Variants in TTN observed in about 807,000 individuals in gnomAD.
TTN encodes titin, also known as connectin.
In TTN, 1,525 loss-of-function variants were observed where a neutral mutation model predicts 3,223.0. The observed-to-expected ratio is 0.47, with a 90% CI of 0.45 to 0.49. TTN has a LOEUF of 0.49. Ranked by LOEUF, TTN falls within the 20% of genes least tolerant of loss-of-function variation. The pLI, the probability that TTN is intolerant of heterozygous loss-of-function variation, is 0.00. For synonymous variants in TTN, 14,094 were observed against 15,161.0 expected (o/e 0.93, Z 5.17); for missense variants, 40,786 against 43,424.0 (o/e 0.94, Z 5.40).
chr2:178,799,002 G>A (rs905931835), intron 6 of TTN: 6 of 170,858 alleles, frequency 3.5e-5, no homozygotes, highest in African/African-American at 1.2e-4. Flanking sequence ...CAATTTACCT[G>A]TGGACAGTGA....
At chr2:178,714,886 A>C (rs963432429) in intron 90 of TTN, 100 bp downstream of exon 90, 16 of 1,440,334 alleles carry the variant, frequency 1.1e-5, no homozygotes, top group Non-Finnish European at 1.4e-5. Context: ...GGAAAGTGGA[A>C]TAGGCTGCTA....
Position 178,598,505 on chromosome 2 carries a change from C to T in TTN, c.57111+1G>A, listed in dbSNP as rs776889100. On this transcript the variant is annotated splice_donor_variant, in intron 292 of 362. Transcript: ENST00000589042. LOFTEE classifies it high-confidence loss of function. ...ATTTCCTTAGTGCCAAGTTTTCCTA[C>T]CTTTTCCCATTCTTCTTTTCCTTCT... 1.9e-6 allele frequency: 3 copies of T among 1,605,232 alleles called. No homozygotes were observed. Among genetic ancestry groups the T allele is most frequent in the Non-Finnish European group, 2.5e-6 (3 of 1,177,764 alleles).
chr2:178,607,520 A>G lies in TTN; in HGVS notation c.53168T>C (p.Val17723Ala), dbSNP rs1420844949. 9 of 1,613,032 alleles carry G rather than the reference A, an allele frequency of 5.6e-6. No homozygotes were observed. The highest frequency in any genetic ancestry group is 1.7e-5 in the Admixed American group (1 of 59,968). The change falls in exon 277 of 363, where the codon GTT becomes GCT. Residue 17723 changes from valine to alanine, a missense_variant. Coordinates refer to ENST00000589042, the MANE Select transcript of TTN (RefSeq NM_001267550.2). ...LDKDRVVIDNVGTKSELIIKD... is the reference protein window; with the variant it reads ...LDKDRVVIDNAGTKSELIIKD... The stretch of plus-strand genomic sequence containing the variant: ...GATAATTAGTTCAGATTTGGTTCCA[A>G]CGTTGTCTATTACAACACGGTCTTT...
Position 178,608,006 on chromosome 2 carries a change from G to C in TTN, c.52781C>G (p.Ala17594Gly), listed in dbSNP as rs1267329743. ...AACAATTTCCCCACCACCATTGAAA[G>C]CTGGGGGTTCCCATTCTAGTTCAAT... ...TTIELEWEPP[A>G]FNGGGEIVGY... The change falls in exon 276 of 363, where the codon GCT (alanine) becomes GGT (glycine). Residue 17594 changes from alanine (A) to glycine (G), a missense_variant. Coordinates refer to ENST00000589042, the MANE Select transcript of TTN (RefSeq NM_001267550.2). 6.2e-7 allele frequency: 1 copy of C among 1,612,846 alleles called. No homozygotes were observed. Among genetic ancestry groups the C allele is most frequent in the Non-Finnish European group, 8.5e-7 (1 of 1,179,318 alleles).
At position 178,541,264 on chromosome 2, in the gene TTN, G is replaced by A. The variant is rs1438121142; in HGVS notation, c.97795+18C>T. 2 of 1,461,260 alleles carry A rather than the reference G, an allele frequency of 1.4e-6. No individual in the cohort carries two copies. Among genetic ancestry groups the A allele is most frequent in the South Asian group, 1.5e-5 (1 of 66,428 alleles). The allele number at this position is 1,461,260 out of a possible 1,614,324, so 90.5% of individuals were successfully genotyped here. The stretch of plus-strand genomic sequence containing the variant: ...AAATTGTAACTCAATCAATTTGACT[G>A]ATACAAAATGTCCTTACCAATTGGA... On this transcript the variant is annotated intron_variant, in intron 350 of 362. Coordinates refer to ENST00000589042, the MANE Select transcript of TTN (RefSeq NM_001267550.2).
At position 178,718,895 on chromosome 2, in the gene TTN, C is replaced by T. The variant is rs748064860; in HGVS notation, c.24305G>A (p.Arg8102Lys). ...GMSLTFTSVI[R>K]GTPPFKVKWF... ...CTTGACCTTGAAAGGAGGGGTGCCT[C>T]TGATGACACTGGTGAATGTGAGGCT... The change falls in exon 84 of 363, where the codon AGA becomes AAA. Residue 8102 changes from arginine to lysine, a missense_variant. Coordinates refer to ENST00000589042, the MANE Select transcript of TTN (RefSeq NM_001267550.2). 6.2e-7 allele frequency: 1 copy of T among 1,613,316 alleles called. No individual in the cohort carries two copies. Among genetic ancestry groups the T allele is most frequent in the African/African-American group, 1.3e-5 (1 of 74,872 alleles).
At chr2:178,601,619 T>C in intron 286 of TTN, 39 bp downstream of exon 286, 1 of 1,582,464 alleles carries the variant, frequency 6.3e-7, no homozygotes, top group African/African-American at 1.4e-5. Context: ...TAAAAATAAT[T>C]TGTTTTTATT....
In TTN at chr2:178,714,449, T is replaced by A; in HGVS notation, c.26325A>T (p.Glu8775Asp). The A allele has an allele frequency of 6.2e-7, 1 of 1,613,692 alleles. No individual in the cohort carries two copies. The highest frequency in any genetic ancestry group is 1.1e-5 in the South Asian group (1 of 91,072). The change falls in exon 91 of 363, where the codon GAA becomes GAT. Residue 8775 changes from glutamate to aspartate, a missense_variant. Glu to Asp is a conservative substitution (Grantham distance 45). Coordinates refer to ENST00000589042, the MANE Select transcript of TTN (RefSeq NM_001267550.2). ...ATATGTTGTCACTTTCTCTAACGATTTCTCCCTTATCTTTGAACCACACCA... is the reference window on the plus strand; with the variant it reads ...ATATGTTGTCACTTTCTCTAACGATATCTCCCTTATCTTTGAACCACACCA... Reference protein sequence around the residue: ...ISVVWFKDKGEIVRESDNIWI... With the variant: ...ISVVWFKDKGDIVRESDNIWI...
chr2:178,747,814 T>C lies in TTN; in HGVS notation c.11311+5310A>G, dbSNP rs1295420170. The C allele has an allele frequency of 2.5e-6, 4 of 1,612,622 alleles. No homozygotes were observed. The African/African-American group carries it at 5.3e-5, about 22-fold the overall frequency. On this transcript the variant is annotated intron_variant, in intron 47 of 362. Transcript: ENST00000589042. ...AAGAAGCTTCATTCTGAACTTGAACTTCTTCATAACATTTTTCTTCTCCAG... is the reference window on the plus strand; with the variant it reads ...AAGAAGCTTCATTCTGAACTTGAACCTCTTCATAACATTTTTCTTCTCCAG...
At position 178,567,886 on chromosome 2, in the gene TTN, G is replaced by A; in HGVS notation, c.78246C>T (p.Cys26082=). Residue 26082 remains cysteine, a synonymous_variant, in exon 326 of 363, where the codon TGC becomes TGT. Coordinates refer to ENST00000589042, the MANE Select transcript of TTN (RefSeq NM_001267550.2). ...GVGKASKNSE[C]YVARDPCDPP... ...GGTCACAGGGATCTCTGGCTACATAGCATTCAGAATTCTTGCTTGCTTTGC... is the reference window on the plus strand; with the variant it reads ...GGTCACAGGGATCTCTGGCTACATAACATTCAGAATTCTTGCTTGCTTTGC... The A allele has an allele frequency of 3.1e-6, 5 of 1,613,484 alleles. No individual in the cohort carries two copies. Among genetic ancestry groups the A allele is most frequent in the Non-Finnish European group, 4.2e-6 (5 of 1,179,590 alleles).
At chr2:178,687,835 A>G (rs528826212) in intron 127 of TTN, among the ~76,000 whole-genome samples, 1 of 152,320 alleles carries the variant, frequency 6.6e-6, no homozygotes, top group South Asian at 2.1e-4. Flanking sequence ...ATATGGAGAT[A>G]CCTGCCCTGA....
At position 178,800,686 on chromosome 2, in the gene TTN, C is replaced by T. The variant is rs751859793; in HGVS notation, c.296-4G>A. ...AAGTTGGGTGGTGCTGTCTCAGCTG[C>T]GGGGACAAGAGAACAAAGTCAAGAG... On this transcript the variant is annotated splice_polypyrimidine_tract_variant and splice_region_variant and intron_variant, in intron 3 of 362. Coordinates refer to ENST00000589042, the MANE Select transcript of TTN (RefSeq NM_001267550.2). The T allele has an allele frequency of 2.2e-5, 36 of 1,603,760 alleles. No homozygotes were observed. Among genetic ancestry groups the T allele is most frequent in the South Asian group, 5.6e-5 (5 of 89,488 alleles).
chr2:178,747,657 G>A (rs1276841969), intron 47 of TTN: 7 of 1,612,988 alleles, frequency 4.3e-6, no homozygotes, highest in East Asian at 2.2e-5. Flanking sequence ...GGAACCTCAC[G>A]CTTTCCAGCA....
rs1035280190 is a variant in TTN at position 178,719,066 on chromosome 2, A to G, written c.24227-93T>C. ...CCTTAAAAAAAGGGAGCTAAGACTA[A>G]ACATGAAGACAAAATAAAGAAACTC... On this transcript the variant is annotated intron_variant, in intron 83 of 362. Coordinates refer to ENST00000589042, the MANE Select transcript of TTN (RefSeq NM_001267550.2). 4.5e-5 allele frequency: 68 copies of G among 1,527,338 alleles called. No homozygotes were observed. The African/African-American group carries it at 8.6e-4, about 19-fold the overall frequency. The allele number at this position is 1,527,338 out of a possible 1,614,324, so 94.6% of individuals were successfully genotyped here.
Position 178,541,627 on chromosome 2 carries a change from C to T in TTN, c.97493-43G>A, listed in dbSNP as rs768541361. On this transcript the variant is annotated intron_variant, in intron 349 of 362. Transcript: ENST00000589042. ...TTAACACGATATGGCAATATGAATA[C>T]GTTAAAACAATGACTCATATATTTG... The T allele has an allele frequency of 4.9e-5, 74 of 1,506,138 alleles. 1 individual carries two copies. In the South Asian group the frequency reaches 5.6e-4, roughly 11 times the overall value. The allele number at this position is 1,506,138 out of a possible 1,614,324, so 93.3% of individuals were successfully genotyped here.
At position 178,704,761 on chromosome 2, in the gene TTN, T is replaced by C. The variant is rs1268665035; in HGVS notation, c.29711A>G (p.Lys9904Arg). 6.2e-7 allele frequency: 1 copy of C among 1,609,974 alleles called. No homozygotes were observed. Among genetic ancestry groups the C allele is most frequent in the South Asian group, 1.1e-5 (1 of 90,852 alleles). ...LSQTEPVTLI[K>R]DIENQTVLKD... ...CAAAACTGTCTGATTTTCAATGTCC[T>C]TGATCAGAGTGACAGGCTAGGAGAA... Residue 9904 changes from lysine (K) to arginine (R), a missense_variant, in exon 105 of 363, where the codon AAG becomes AGG. By Grantham distance (26) the Lys-to-Arg change is conservative. Transcript: ENST00000589042.
At chr2:178,604,452 G>T in intron 281 of TTN, 147 bp from the exon 282 acceptor site, 1 of 776,340 alleles carries the variant, frequency 1.3e-6, no homozygotes, top group Non-Finnish European at 1.8e-6. Context: ...GAGAAAAGGA[G>T]AAAGCTTTTT....
rs374758349 is a variant in TTN at position 178,752,192 on chromosome 2, C to T, written c.11311+932G>A. ...CACTCACCATATTTGTTCGAATAAA[C>T]GCAACACCATGCTCTGTTTAAAAGA... On this transcript the variant is annotated intron_variant, in intron 47 of 362. Coordinates refer to ENST00000589042, the MANE Select transcript of TTN (RefSeq NM_001267550.2). Among the ~76,000 whole-genome samples the T allele has an allele frequency of 9.2e-5, 14 of 152,036 alleles. No individual in the cohort carries two copies. In the South Asian group the frequency reaches 2.5e-3, roughly 27 times the overall value.
Position 178,739,875 on chromosome 2 carries a change from T to A in TTN, c.13358A>T (p.Glu4453Val). 1 of 1,613,926 alleles carries A rather than the reference T, an allele frequency of 6.2e-7. No individual in the cohort carries two copies. The highest frequency in any genetic ancestry group is 8.5e-7 in the Non-Finnish European group (1 of 1,179,852). The change falls in exon 48 of 363, where the codon GAA (glutamate) becomes GTA (valine). Residue 4453 changes from glutamate (E) to valine (V), a missense_variant. By Grantham distance (121) the Glu-to-Val change is moderately radical (BLOSUM62 -2). Coordinates refer to ENST00000589042, the MANE Select transcript of TTN (RefSeq NM_001267550.2). Reference protein sequence around the residue: ...YLVTSAKSVTEEVTIIIEDVD... With the variant: ...YLVTSAKSVTVEVTIIIEDVD... The stretch of plus-strand genomic sequence containing the variant: ...ATCTTCAATAATGATGGTTACTTCT[T>A]CTGTTACAGACTTTGCCGAAGTAAC...
Sources: gnomAD v4.1 joint callset for allele counts (sites outside exome capture counted in the v4.1 genomes callset) on GRCh38, gnomAD v4.1.1 for gene constraint, MANE v1.5 for transcripts, NCBI Gene and HGNC (gene_info 2026-07-23, HGNC 2026-07-21) for gene names.